The following GRK5 variants were observed in gnomAD, a reference collection of about 807,000 sequenced individuals.
GRK5 encodes the protein G protein-coupled receptor kinase 5.
A neutral mutation model predicts 78.4 loss-of-function variants in GRK5; 40 were observed. The observed-to-expected ratio is 0.51, with a 90% CI of 0.40 to 0.66. The LOEUF is 0.66. Ranked by LOEUF, GRK5 falls within the 30% of genes least tolerant of loss-of-function variation. The probability of loss-of-function intolerance (pLI) is 0.00; values close to 1 mark genes in which losing one functional copy is unlikely to be tolerated. For missense variants in GRK5, 598 were observed against 759.9 expected, an observed-to-expected ratio of 0.79 and a Z score of 2.50; for synonymous variants, 289 against 296.8, an observed-to-expected ratio of 0.97 and a Z score of 0.27.
At position 119,449,930 on chromosome 10, in the gene GRK5, C is replaced by T. The variant is rs116667232; in HGVS notation, c.1404+1670C>T. ...CCGCCTGGGGAGCATGAACAACACT[C>T]GCCTTGGATGCAGTCCCCAGGGAGT... On this transcript the variant is annotated intron_variant, in intron 13 of 15. Coordinates refer to ENST00000392870, the MANE Select transcript of GRK5 (RefSeq NM_005308.3). 3.1e-3 allele frequency among the ~76,000 whole-genome samples: 466 copies of T among 152,332 alleles called. 1 individual carries two copies. Among genetic ancestry groups the T allele is most frequent in the African/African-American group, 0.01 (421 of 41,572 alleles).
At chr10:119,449,161 T>C (rs1853221847) in intron 13 of GRK5, among the ~76,000 whole-genome samples, 1 of 149,732 alleles carries the variant, frequency 6.7e-6, no homozygotes, top group Non-Finnish European at 1.5e-5. Flanking sequence ...CCGTGTCCAA[T>C]GGCTTTGCGT....
chr10:119,324,522 GGAGGCT>G (rs1850641580), intron 1 of GRK5, among the ~76,000 whole-genome samples: 1 of 152,232 alleles, frequency 6.6e-6, no homozygotes, highest in Non-Finnish European at 1.5e-5. Context: ...CAGCTACTCG[GGAGGCT>G]GAGGCAGGAG....
Position 119,221,388 on chromosome 10 carries a change from T to G in GRK5, c.52+13419T>G, listed in dbSNP as rs547275897. Among the ~76,000 whole-genome samples the G allele has an allele frequency of 3.9e-5, 6 of 152,368 alleles. No homozygotes were observed. The East Asian group carries it at 1.2e-3, about 29-fold the overall frequency. The stretch of plus-strand genomic sequence containing the variant: ...CAGTCCACAATATGCTGCAGAGCCT[T>G]TCCATATCTGTGTTTATAGTTTCCC... On this transcript the variant is annotated intron_variant, in intron 1 of 15. Coordinates refer to ENST00000392870, the MANE Select transcript of GRK5 (RefSeq NM_005308.3).
intron 1 of GRK5, among the ~76,000 whole-genome samples, chr10:119,316,394 C>T (rs1850486905): frequency 6.6e-6 from 1 of 152,212 alleles, no homozygotes; most frequent in Non-Finnish European, 1.5e-5. Flanking sequence ...GCAGCCTCAA[C>T]AGCTGCAACA....
chr10:119,335,609 T>C (rs912768235), intron 2 of GRK5, among the ~76,000 whole-genome samples: 1 of 152,236 alleles, frequency 6.6e-6, no homozygotes, highest in Non-Finnish European at 1.5e-5. Flanking sequence ...GTGATCCACC[T>C]GCCTTGGCCT....
At chr10:119,300,399 G>C (rs1850157232) in intron 1 of GRK5, among the ~76,000 whole-genome samples, 2 of 152,208 alleles carry the variant, frequency 1.3e-5, no homozygotes, top group Admixed American at 6.5e-5. Flanking sequence ...ACAGACCAGA[G>C]TGCATCTCCC....
At chr10:119,310,637 G>T (rs1380505763) in intron 1 of GRK5, among the ~76,000 whole-genome samples, 1 of 152,136 alleles carries the variant, frequency 6.6e-6, no homozygotes, top group Non-Finnish European at 1.5e-5. Context: ...AGGACTAGGG[G>T]TCTGCTTTCT....
At chr10:119,254,454 CT>C (rs1849248967) in intron 1 of GRK5, among the ~76,000 whole-genome samples, 1 of 152,116 alleles carries the variant, frequency 6.6e-6, no homozygotes, top group Admixed American at 6.5e-5. Flanking sequence ...ACAGGCAGAC[CT>C]GGTCCTTGTG....
intron 2 of GRK5, among the ~76,000 whole-genome samples, chr10:119,367,969 G>T (rs896800626): frequency 6.6e-6 from 1 of 152,258 alleles, no homozygotes; most frequent in African/African-American, 2.4e-5. Flanking sequence ...CCTCGGCAGG[G>T]CCAGGGCAGG....
intron 1 of GRK5, among the ~76,000 whole-genome samples, chr10:119,226,297 T>C (rs1311866989): frequency 1.3e-4 from 19 of 150,742 alleles, no homozygotes; most frequent in South Asian, 2.1e-4. Context: ...TTTTCTTTTT[T>C]TTTTTTTTAA....
At chr10:119,318,028 A>C (rs540600154) in intron 1 of GRK5, among the ~76,000 whole-genome samples, 3 of 152,172 alleles carry the variant, frequency 2.0e-5, no homozygotes, top group South Asian at 4.2e-4. Context: ...ACTGGCTCCC[A>C]GCGATGCTGA....
At chr10:119,343,596 C>G (rs563189280) in intron 2 of GRK5, among the ~76,000 whole-genome samples, 1 of 152,178 alleles carries the variant, frequency 6.6e-6, no homozygotes, top group Non-Finnish European at 1.5e-5. Context: ...TCCCCGTGGA[C>G]GTGGAACAAT....
intron 15 of GRK5, among the ~76,000 whole-genome samples, chr10:119,454,576 TCCTCCCAGCCAC>T (rs1720449223): frequency 6.6e-6 from 1 of 152,148 alleles, no homozygotes; most frequent in Non-Finnish European, 1.5e-5. Flanking sequence ...CCCCATTGTA[TCCTCCCAGCCAC>T]CCTGTGCGGA....
At position 119,207,861 on chromosome 10, in the gene GRK5, G is replaced by A; in HGVS notation, c.-57G>A. 2.6e-6 allele frequency: 4 copies of A among 1,512,924 alleles called. No homozygotes were observed. Among genetic ancestry groups the A allele is most frequent in the Non-Finnish European group, 3.6e-6 (4 of 1,120,218 alleles). The allele number at this position is 1,512,924 out of a possible 1,614,324, so 93.7% of individuals were successfully genotyped here. On this transcript the variant is annotated 5_prime_UTR_variant, in exon 1 of 16. Coordinates refer to ENST00000392870, the MANE Select transcript of GRK5 (RefSeq NM_005308.3). ...CCGAGCAGCGGCAGCAGCAGCGGCAGCACCCCAGGCGCTGACAGCCCCGCC... is the reference window on the plus strand; with the variant it reads ...CCGAGCAGCGGCAGCAGCAGCGGCAACACCCCAGGCGCTGACAGCCCCGCC...
chr10:119,404,405 G>T (rs1344615729), intron 4 of GRK5, among the ~76,000 whole-genome samples: 1 of 152,144 alleles, frequency 6.6e-6, no homozygotes, highest in Non-Finnish European at 1.5e-5. Context: ...CATATGTTCA[G>T]GATACAAGGT....
At chr10:119,276,942 C>T (rs535249423) in intron 1 of GRK5, among the ~76,000 whole-genome samples, 5 of 152,290 alleles carry the variant, frequency 3.3e-5, no homozygotes, top group Admixed American at 6.5e-5. Context: ...ATTATTATTA[C>T]GTTACACATC....
At chr10:119,268,572 G>A (rs978962221) in intron 1 of GRK5, among the ~76,000 whole-genome samples, 7 of 152,200 alleles carry the variant, frequency 4.6e-5, no homozygotes, top group East Asian at 1.9e-4. Flanking sequence ...TGTGACCTCC[G>A]ACAGCTTAAT....
intron 6 of GRK5, among the ~76,000 whole-genome samples, chr10:119,425,841 C>A (rs1036000157): frequency 6.6e-6 from 1 of 152,274 alleles, no homozygotes; most frequent in African/African-American, 2.4e-5. Context: ...AGATGTGTCC[C>A]TCTGTGACAG....
chr10:119,239,647 C>T (rs1032985683), intron 1 of GRK5, among the ~76,000 whole-genome samples: 6 of 152,128 alleles, frequency 3.9e-5, no homozygotes, highest in East Asian at 3.9e-4. Context: ...CCATCACCTA[C>T]GTTTGGTTTT....
Sources: gnomAD v4.1 joint callset for allele counts (sites outside exome capture counted in the v4.1 genomes callset) on GRCh38, gnomAD v4.1.1 for gene constraint, MANE v1.5 for transcripts, NCBI Gene and HGNC (gene_info 2026-07-23, HGNC 2026-07-21) for gene names.